Variants in SDK1 observed in about 807,000 individuals in gnomAD.
The protein encoded by SDK1 is sidekick cell adhesion molecule 1.
In SDK1, 157 loss-of-function variants were observed where a neutral mutation model predicts 245.5. That is an observed-to-expected ratio of 0.64 (90% confidence interval 0.56 to 0.73). The LOEUF is 0.73. Ranked by LOEUF, SDK1 falls within the 30% of genes least tolerant of loss-of-function variation. SDK1 has a pLI of 0.00. For missense variants in SDK1, 3,583 were observed against 3,002.3 expected (o/e 1.19, Z -4.52); for synonymous variants, 1,647 against 1,278.5 (o/e 1.29, Z -6.15).
At position 3,367,698 on chromosome 7, in the gene SDK1, A is replaced by G. The variant is rs1339534149; in HGVS notation, c.298+65814A>G. On this transcript the variant is annotated intron_variant, in intron 1 of 44. Transcript: ENST00000404826. ...CATTTATAACTTAACTCTTCGACCT[A>G]TTTAACTGTCTGCTTCCTTGCTCTT... Among the ~76,000 whole-genome samples, 5 of 152,196 alleles carry G rather than the reference A, an allele frequency of 3.3e-5. No homozygotes were observed. The South Asian group carries it at 6.2e-4, about 19-fold the overall frequency.
intron 1 of SDK1, among the ~76,000 whole-genome samples, chr7:3,358,026 T>A (rs937900180): frequency 6.6e-6 from 1 of 151,944 alleles, no homozygotes; most frequent in Non-Finnish European, 1.5e-5. Context: ...CTTTTTTTCT[T>A]TTTTTTTGGG....
At chr7:4,109,687 G>A (rs1783202885) in intron 22 of SDK1, among the ~76,000 whole-genome samples, 1 of 152,214 alleles carries the variant, frequency 6.6e-6, no homozygotes, top group African/African-American at 2.4e-5. Context: ...CAAGGCCGTG[G>A]CTGTCTCTCC....
chr7:3,374,522 G>A (rs552918928), intron 1 of SDK1, among the ~76,000 whole-genome samples: 2 of 152,244 alleles, frequency 1.3e-5, no homozygotes, highest in Non-Finnish European at 2.9e-5. Flanking sequence ...GCCACCAGAA[G>A]GTCTCTCTCC....
chr7:4,204,723 C>T (rs867750600), intron 35 of SDK1, among the ~76,000 whole-genome samples: 2 of 152,280 alleles, frequency 1.3e-5, no homozygotes, highest in South Asian at 4.2e-4. Flanking sequence ...GAGGAGTGCT[C>T]GGCTGGCCTC....
intron 1 of SDK1, among the ~76,000 whole-genome samples, chr7:3,333,678 C>T (rs1165162156): frequency 6.6e-6 from 1 of 152,196 alleles, no homozygotes; most frequent in Non-Finnish European, 1.5e-5. Context: ...ACCCATGTGG[C>T]TCAGCACTTC....
At chr7:3,361,343 T>A (rs1040435795) in intron 1 of SDK1, among the ~76,000 whole-genome samples, 1 of 152,230 alleles carries the variant, frequency 6.6e-6, no homozygotes, top group African/African-American at 2.4e-5. Context: ...TGCATTTCTA[T>A]CATAGGACCT....
intron 4 of SDK1, among the ~76,000 whole-genome samples, chr7:3,652,314 A>G (rs982523619): frequency 2.0e-5 from 3 of 152,190 alleles, no homozygotes; most frequent in Non-Finnish European, 4.4e-5. Context: ...GTGAAGAGCC[A>G]GGAGAGAGTG....
At chr7:3,611,290 A>G (rs1781579239) in intron 1 of SDK1, among the ~76,000 whole-genome samples, 1 of 152,186 alleles carries the variant, frequency 6.6e-6, no homozygotes, top group South Asian at 2.1e-4. Flanking sequence ...AACTCTTTTC[A>G]CTGGAGGGAG....
chr7:3,807,910 T>C (rs1025942152), intron 4 of SDK1, among the ~76,000 whole-genome samples: 1 of 152,150 alleles, frequency 6.6e-6, no homozygotes, highest in Admixed American at 6.5e-5. Context: ...TATGTACCAA[T>C]CACCTTTTAA....
chr7:3,680,682 G>T (rs1355882068), intron 4 of SDK1, among the ~76,000 whole-genome samples: 2 of 152,072 alleles, frequency 1.3e-5, no homozygotes, highest in Non-Finnish European at 2.9e-5. Context: ...TTTAATTATT[G>T]TCAAGTAACT....
intron 1 of SDK1, among the ~76,000 whole-genome samples, chr7:3,323,100 C>G (rs1334847900): frequency 2.6e-5 from 4 of 152,158 alleles, no homozygotes; most frequent in Non-Finnish European, 4.4e-5. Context: ...ATGCACCAGA[C>G]CAGGTTTTGC....
chr7:4,141,893 A>G (rs1266809340), intron 28 of SDK1, among the ~76,000 whole-genome samples: 1 of 152,130 alleles, frequency 6.6e-6, no homozygotes, highest in East Asian at 1.9e-4. Context: ...AGCAGTTGGC[A>G]TTACAGGCAC....
intron 35 of SDK1, among the ~76,000 whole-genome samples, chr7:4,191,923 A>T (rs572371195): frequency 6.6e-6 from 1 of 152,218 alleles, no homozygotes. Context: ...GCACCAGAAC[A>T]GCAGATTTGA....
chr7:3,611,408 A>C (rs1781583500), intron 1 of SDK1, among the ~76,000 whole-genome samples: 1 of 152,142 alleles, frequency 6.6e-6, no homozygotes, highest in South Asian at 2.1e-4. Flanking sequence ...CACATTTAAT[A>C]ACCAAACGAC....
chr7:3,938,152 A>G (rs1780226325), intron 5 of SDK1, among the ~76,000 whole-genome samples: 1 of 152,150 alleles, frequency 6.6e-6, no homozygotes, highest in African/African-American at 2.4e-5. Context: ...GCCATTTCTT[A>G]TCACAGCTAA....
rs1781147918 is a variant in SDK1, at chr7:4,161,826, C to T, written c.4770C>T (p.His1590=). The part of the protein sequence containing the change: ...EPPGSVSATP[H]TTSSVLIQWQ... ...CGGGATCTGTCTCAGCGACGCCACA[C>T]ACCACGTCCTCTGTCCTGATACAGT... Residue 1590 remains histidine, a synonymous_variant, in exon 32 of 45, where the codon CAC becomes CAT. Transcript: ENST00000404826. 10 of 1,614,160 alleles carry T rather than the reference C, an allele frequency of 6.2e-6. No individual in the cohort carries two copies. The East Asian group carries it at 6.7e-5, about 11-fold the overall frequency.
intron 1 of SDK1, among the ~76,000 whole-genome samples, chr7:3,558,002 C>A (rs1380290586): frequency 1.3e-5 from 2 of 150,642 alleles, no homozygotes; most frequent in African/African-American, 2.5e-5. Context: ...TTCCCTCCCC[C>A]ACCCCCCGAC....
intron 4 of SDK1, among the ~76,000 whole-genome samples, chr7:3,747,252 T>C (rs1225643998): frequency 6.6e-6 from 1 of 152,204 alleles, no homozygotes; most frequent in Non-Finnish European, 1.5e-5. Context: ...TAGAAATGTA[T>C]TTTATACCAT....
chr7:3,555,078 C>G (rs1021867624), intron 1 of SDK1, among the ~76,000 whole-genome samples: 8 of 152,132 alleles, frequency 5.3e-5, no homozygotes, highest in East Asian at 1.9e-4. Context: ...AATAGAAAAA[C>G]AATCCTAAAA....
Sources: allele counts gnomAD v4.1 joint callset (sites outside exome capture counted in the v4.1 genomes callset), GRCh38; gene constraint gnomAD v4.1.1; transcripts MANE v1.5; gene names NCBI Gene and HGNC (gene_info 2026-07-23, HGNC 2026-07-21).